Variants in RCAN3 observed in about 807,000 individuals in gnomAD.
RCAN3 encodes the protein calcipressin-3.
A neutral mutation model predicts 21.9 loss-of-function variants in RCAN3; 19 were observed. That is an observed-to-expected ratio of 0.87 (90% CI 0.61 to 1.27). The LOEUF (loss-of-function observed/expected upper bound fraction) is 1.27, where lower values mean the gene tolerates loss of function less well. Ranked by LOEUF, RCAN3 falls within the 50% of genes most tolerant of loss-of-function variation. RCAN3 has a pLI of 0.00. For synonymous variants in RCAN3, 114 were observed against 112.3 expected (o/e 1.01, Z -0.09); for missense variants, 240 against 300.1 (o/e 0.80, Z 1.48).
chr1:24,525,581 A>G lies in RCAN3; in HGVS notation c.196-5637A>G, dbSNP rs557520360. Among the ~76,000 whole-genome samples the G allele has an allele frequency of 6.6e-6, 1 of 152,234 alleles. No homozygotes were observed. The highest frequency in any genetic ancestry group is 1.5e-5 in the Non-Finnish European group (1 of 68,046). ...TCTTTTCTCAAATAAATATGCGGCC[A>G]TCACCCAACAGGATGATGTTAATTT... On this transcript the variant is annotated intron_variant, in intron 2 of 4. Coordinates refer to ENST00000374395, the MANE Select transcript of RCAN3 (RefSeq NM_013441.4). This position sits in a 1 kb window ranked among gnomAD's most constrained non-coding sequence, Gnocchi z 4.1.
At chr1:24,511,725 C>T (rs1039770580) in intron 1 of RCAN3, among the ~76,000 whole-genome samples, 12 of 152,308 alleles carry the variant, frequency 7.9e-5, no homozygotes, top group Admixed American at 3.3e-4. Context: ...GAGCACATCC[C>T]GTTTGAAAGC....
chr1:24,505,225 C>CTTTTTTTTTTTTTTTTTTTTTTT (rs1351108344), intron 1 of RCAN3, among the ~76,000 whole-genome samples: 1 of 109,564 alleles, frequency 9.1e-6, no homozygotes, highest in African/African-American at 3.7e-5. Context: ...TTTTTTTTCT[C>CTTTTTTTTTTTTTTTTTTTTTTT]TTTTTTCTTT....
At chr1:24,527,618 AGGGAGTGT>A (rs1424116552) in intron 2 of RCAN3, among the ~76,000 whole-genome samples, 6 of 152,164 alleles carry the variant, frequency 3.9e-5, no homozygotes, top group Non-Finnish European at 5.9e-5. Flanking sequence ...TTAATAAATG[AGGGAGTGT>A]ATAATTTGCA....
chr1:24,517,425 C>G (rs927512184), intron 2 of RCAN3, among the ~76,000 whole-genome samples: 3 of 152,040 alleles, frequency 2.0e-5, no homozygotes, highest in South Asian at 2.1e-4. Context: ...CCAATCTTTT[C>G]TATTTCAACC....
intron 2 of RCAN3, among the ~76,000 whole-genome samples, chr1:24,518,762 T>A (rs915739065): frequency 2.1e-4 from 31 of 149,936 alleles, no homozygotes; most frequent in African/African-American, 6.7e-4. Flanking sequence ...CCAGCTAATT[T>A]ATTATTTATT....
intron 1 of RCAN3, among the ~76,000 whole-genome samples, chr1:24,509,084 A>C (rs908640123): frequency 1.3e-5 from 2 of 152,122 alleles, no homozygotes; most frequent in African/African-American, 4.8e-5. Context: ...TCACCTGAGC[A>C]TGGGAAGGTC....
At chr1:24,523,641 C>CAT (rs1553151347) in intron 2 of RCAN3, among the ~76,000 whole-genome samples, 7 of 141,540 alleles carry the variant, frequency 4.9e-5, no homozygotes, top group Non-Finnish European at 7.7e-5. Flanking sequence ...CACACACACA[C>CAT]ATATATATTT....
chr1:24,522,744 T>C (rs1648919349), intron 2 of RCAN3, among the ~76,000 whole-genome samples: 1 of 152,190 alleles, frequency 6.6e-6, no homozygotes, highest in Non-Finnish European at 1.5e-5. Flanking sequence ...AGTTTGGTTA[T>C]GGTTATTCCT....
chr1:24,504,173 T>G lies in RCAN3; in HGVS notation c.-60+1023T>G, dbSNP rs571048034. On this transcript the variant is annotated intron_variant, in intron 1 of 4. Transcript: ENST00000374395. ...TTACTGCATTGGCAAGCCTTGCCTTTTCTTTTCTCTTCTCTTCTCTTTTCT... is the reference window on the plus strand; with the variant it reads ...TTACTGCATTGGCAAGCCTTGCCTTGTCTTTTCTCTTCTCTTCTCTTTTCT... Among the ~76,000 whole-genome samples the G allele has an allele frequency of 2.0e-5, 3 of 152,336 alleles. No homozygotes were observed. In the East Asian group the frequency reaches 5.8e-4, roughly 29 times the overall value.
chr1:24,528,254 G>GAAAAAAAAAAAAAA (rs57400823), intron 2 of RCAN3, among the ~76,000 whole-genome samples: 1 of 122,126 alleles, frequency 8.2e-6, no homozygotes, highest in Non-Finnish European at 1.7e-5. Context: ...TGGAAAAAAA[G>GAAAAAAAAAAAAAA]AAAAAAAAAA....
intron 1 of RCAN3, among the ~76,000 whole-genome samples, chr1:24,509,923 A>G (rs1272589131): frequency 6.6e-6 from 1 of 152,148 alleles, no homozygotes; most frequent in African/African-American, 2.4e-5. Context: ...GGGCTGCAGA[A>G]TGGATATTGT....
intron 2 of RCAN3, among the ~76,000 whole-genome samples, chr1:24,517,123 G>A (rs1244905189): frequency 6.7e-6 from 1 of 149,406 alleles, no homozygotes; most frequent in Non-Finnish European, 1.5e-5. Context: ...GTTTGTTTTG[G>A]TGAGATGGAG....
intron 4 of RCAN3, among the ~76,000 whole-genome samples, chr1:24,534,089 A>G (rs1007015131): frequency 6.6e-6 from 1 of 152,136 alleles, no homozygotes; most frequent in African/African-American, 2.4e-5. Flanking sequence ...TTTTAAAATC[A>G]TATAAGAAAC....
At position 24,538,547 on chromosome 1, in the gene RCAN3, G is replaced by GGCGCCCGCTCCC. The variant is rs1650347484; in HGVS notation, c.*3271_*3282dup. 6.7e-6 allele frequency: 1 copy of GGCGCCCGCTCCC among 149,984 alleles called. No individual in the cohort carries two copies. The highest frequency in any genetic ancestry group is 6.6e-5 in the Admixed American group (1 of 15,142). 9.3% of individuals were successfully genotyped at this position (149,984 alleles called of 1,614,324 possible). On this transcript the variant is annotated 3_prime_UTR_variant, in exon 5 of 5. Transcript: ENST00000374395. ...AGCCTCCCAAGTAGCTGGGACTACAGGCGCCCGCTCCCACGCCCGGCTAAT... is the reference window on the plus strand; with the variant it reads ...AGCCTCCCAAGTAGCTGGGACTACAGGCGCCCGCTCCCGCGCCCGCTCCCACGCCCGGCTAAT...
chr1:24,510,110 C>T (rs763740797), intron 1 of RCAN3, among the ~76,000 whole-genome samples: 15 of 152,144 alleles, frequency 9.9e-5, no homozygotes, highest in Non-Finnish European at 1.5e-4. Context: ...AACAGATGTG[C>T]GGTCATCCAG....
In RCAN3 at chr1:24,533,143, C is replaced by T. The variant is rs368507829; in HGVS notation, c.430C>T (p.Gln144Ter). ...TCTCCTGCCGCCCCAGCCTGTCAAGCAGTTCCTCATCTCCCCTCCAGCCTC... is the reference window on the plus strand; with the variant it reads ...TCTCCTGCCGCCCCAGCCTGTCAAGTAGTTCCTCATCTCCCCTCCAGCCTC... Reference protein sequence around the residue: ...SYLLPPQPVKQFLISPPASPP... With the variant: ...SYLLPPQPVK Residue 144 changes from glutamine (Q) to a stop codon, truncating the protein, a stop_gained, in exon 4 of 5, where the codon CAG becomes TAG. Coordinates refer to ENST00000374395, the MANE Select transcript of RCAN3 (RefSeq NM_013441.4). LOFTEE classifies it high-confidence loss of function. 9 of 1,597,508 alleles carry T rather than the reference C, an allele frequency of 5.6e-6. No individual in the cohort carries two copies. The highest frequency in any genetic ancestry group is 1.4e-5 in the African/African-American group (1 of 73,960).
At chr1:24,533,304 T>A in intron 4 of RCAN3, 50 bp downstream of exon 4, 1 of 1,419,420 alleles carries the variant, frequency 7.0e-7, no homozygotes, top group Non-Finnish European at 9.4e-7. Context: ...ACTTTTGTAT[T>A]GAAGATCGTA....
At position 24,515,456 on chromosome 1, in the gene RCAN3, GTGTGTGTGCTT is replaced by G. The variant is rs1402932200; in HGVS notation, c.195+893_195+903del. On this transcript the variant is annotated intron_variant, in intron 2 of 4. Coordinates refer to ENST00000374395, the MANE Select transcript of RCAN3 (RefSeq NM_013441.4). ...TGTGTGTGTGTGTGTGTGTGTGTGT[GTGTGTGTGCTT>G]TGTTTTGTTTTTCCCCGTCATGACC... 5.8e-5 allele frequency among the ~76,000 whole-genome samples: 7 copies of G among 119,906 alleles called. No homozygotes were observed. In the South Asian group the frequency reaches 1.9e-3, roughly 32 times the overall value. The allele number at this position is 119,906 out of a possible 152,430, so 78.7% of individuals were successfully genotyped here.
intron 1 of RCAN3, among the ~76,000 whole-genome samples, chr1:24,512,090 A>G (rs1647933352): frequency 6.6e-6 from 1 of 152,068 alleles, no homozygotes; most frequent in Non-Finnish European, 1.5e-5. Context: ...GAGAAATTGA[A>G]AGTACAGCTG....
Sources: allele counts gnomAD v4.1 joint callset (sites outside exome capture counted in the v4.1 genomes callset), GRCh38; gene constraint gnomAD v4.1.1; non-coding constraint Gnocchi (gnomAD v3.1); transcripts MANE v1.5; gene names NCBI Gene and HGNC (gene_info 2026-07-23, HGNC 2026-07-21).